Variants in CANX observed in about 807,000 individuals in gnomAD.
CANX encodes the protein epididymis secretory sperm binding protein.
Under a neutral mutation model 75.7 loss-of-function variants are expected in CANX, and 14 were observed. The observed-to-expected ratio is 0.19, with a 90% CI of 0.12 to 0.29. The LOEUF (loss-of-function observed/expected upper bound fraction) is 0.29, where lower values mean the gene tolerates loss of function less well. Among genes scored for constraint, CANX ranks in the 10% least tolerant of loss-of-function variants. The pLI is 1.00. For missense variants in CANX, 567 were observed against 713.2 expected (o/e 0.79, Z 2.34); for synonymous variants, 227 against 236.9 (o/e 0.96, Z 0.38).
intron 8 of CANX, among the ~76,000 whole-genome samples, chr5:179,716,857 G>A (rs1001198673): frequency 6.6e-6 from 1 of 152,182 alleles, no homozygotes; most frequent in African/African-American, 2.4e-5. Context: ...GTTTCTTGGA[G>A]CAAGGCAAAT....
chr5:179,682,780 G>A (rs1328020939), intron 1 of CANX, among the ~76,000 whole-genome samples: 4 of 150,668 alleles, frequency 2.7e-5, no homozygotes, highest in Non-Finnish European at 5.9e-5. Context: ...AATACAGAAA[G>A]TGATTTTGGG....
chr5:179,689,802 G>A (rs1361464663), intron 1 of CANX, among the ~76,000 whole-genome samples: 1 of 152,108 alleles, frequency 6.6e-6, no homozygotes, highest in African/African-American at 2.4e-5. Flanking sequence ...ACTTAAAATG[G>A]ATGTTAACTC....
upstream of CANX, among the ~76,000 whole-genome samples, chr5:179,697,785 G>A (rs1776448779): frequency 6.6e-6 from 1 of 152,146 alleles, no homozygotes; most frequent in African/African-American, 2.4e-5. Flanking sequence ...CAGCTACTCG[G>A]GAGGCTGAGG....
rs1249645386 is a variant in CANX at position 179,678,711 on chromosome 5, C to G, written c.-70C>G. On this transcript the variant is annotated 5_prime_UTR_variant, in exon 1 of 15. Coordinates refer to the CANX transcript ENST00000681674. ...ATCACCTCGGGGTTGCGCTGCTTCT[C>G]CAGCAAGTGCATGCGCGCCATGGTC... The G allele has an allele frequency of 2.0e-6, 3 of 1,536,984 alleles. No individual in the cohort carries two copies. Among genetic ancestry groups the G allele is most frequent in the Non-Finnish European group, 2.6e-6 (3 of 1,146,716 alleles).
chr5:179,724,770 A>G lies in CANX; in HGVS notation c.1632A>G (p.Gly544=). 6.2e-7 allele frequency: 1 copy of G among 1,609,646 alleles called. No individual in the cohort carries two copies. Among genetic ancestry groups the G allele is most frequent in the African/African-American group, 1.3e-5 (1 of 74,816 alleles). Residue 544 remains glycine (G), a synonymous_variant, in exon 13 of 15, where the codon GGA becomes GGG. Transcript: ENST00000247461. ...ACAAGGGAGATGAGGAGGAGGAAGG[A>G]GAAGAGAAACTTGGTAAGAAACAGA... ...EKDKGDEEEE[G]EEKLEEKQKS...
At chr5:179,697,952 C>T (rs1776461783), upstream of CANX, among the ~76,000 whole-genome samples, 1 of 152,000 alleles carries the variant, frequency 6.6e-6, no homozygotes, top group South Asian at 2.1e-4. Context: ...ATGCAAACAC[C>T]AAACCCTGCC....
intron 1 of CANX, chr5:179,704,198 A>G (rs948852029): frequency 1.3e-5 from 2 of 152,164 alleles, no homozygotes; most frequent in African/African-American, 2.4e-5. Context: ...CCCAAGACAC[A>G]TCTAATATAA....
At chr5:179,687,884 A>C (rs1364588038) in intron 1 of CANX, among the ~76,000 whole-genome samples, 2 of 151,476 alleles carry the variant, frequency 1.3e-5, no homozygotes, top group African/African-American at 4.8e-5. Flanking sequence ...AAATACAAAA[A>C]ATTAGCTGGG....
chr5:179,727,901 C>A (rs1040421826), intron 14 of CANX, among the ~76,000 whole-genome samples: 1 of 152,142 alleles, frequency 6.6e-6, no homozygotes, highest in Non-Finnish European at 1.5e-5. Flanking sequence ...TACTAAAGTC[C>A]TTTACCCAGC....
chr5:179,711,943 C>CA, intron 7 of CANX, among the ~76,000 whole-genome samples: 1 of 151,114 alleles, frequency 6.6e-6, no homozygotes, highest in Non-Finnish European at 1.5e-5. Context: ...ACTGAAAATA[C>CA]AAAAATTAGC....
chr5:179,685,940 C>G (rs1156319374), intron 1 of CANX, among the ~76,000 whole-genome samples: 1 of 152,100 alleles, frequency 6.6e-6, no homozygotes, highest in African/African-American at 2.4e-5. Context: ...ATCTGTCTGC[C>G]TCGACCTCCC....
intron 1 of CANX, among the ~76,000 whole-genome samples, chr5:179,686,291 T>G (rs1014294481): frequency 2.0e-5 from 3 of 151,688 alleles, no homozygotes; most frequent in African/African-American, 7.3e-5. Flanking sequence ...AGAGATGAGG[T>G]TTCACCATGT....
At chr5:179,681,351 C>G (rs952550302) in intron 1 of CANX, among the ~76,000 whole-genome samples, 3 of 152,134 alleles carry the variant, frequency 2.0e-5, no homozygotes, top group African/African-American at 7.2e-5. Context: ...GCTAACAGAG[C>G]GTGTCATGGG....
chr5:179,703,887 C>T (rs1254413323), intron 1 of CANX, among the ~76,000 whole-genome samples: 4 of 152,012 alleles, frequency 2.6e-5, no homozygotes, highest in Admixed American at 6.6e-5. Context: ...ACTAGAGGCC[C>T]TGGTAATATA....
intron 7 of CANX, among the ~76,000 whole-genome samples, chr5:179,715,213 A>C (rs956926044): frequency 6.6e-6 from 1 of 152,182 alleles, no homozygotes; most frequent in Non-Finnish European, 1.5e-5. Context: ...GGGCTTTAAT[A>C]TACATCACAC....
chr5:179,723,634 TC>T (rs1778455644), intron 11 of CANX, 25 bp from the exon 12 acceptor site: 1 of 1,603,730 alleles, frequency 6.2e-7, no homozygotes, highest in Admixed American at 1.8e-5. Context: ...GCTGGAACTT[TC>T]AATCAGCCCT....
rs1389039966 is a variant in CANX at position 179,686,499 on chromosome 5, G to A, written c.-4+7722G>A. Among the ~76,000 whole-genome samples the A allele has an allele frequency of 2.6e-5, 4 of 151,598 alleles. No individual in the cohort carries two copies. In the South Asian group the frequency reaches 8.3e-4, roughly 32 times the overall value. On this transcript the variant is annotated intron_variant, in intron 1 of 14. Transcript: ENST00000681674. Reference sequence around the variant, plus strand: ...TTTTCTTGTTGTTATTTTGAGACACGGTCTCACTGTTGCCCAGGCTGGAGT... The same window carrying A: ...TTTTCTTGTTGTTATTTTGAGACACAGTCTCACTGTTGCCCAGGCTGGAGT...
intron 2 of CANX, 55 bp from the exon 3 acceptor site, chr5:179,706,203 A>G: frequency 1.0e-6 from 1 of 986,196 alleles, no homozygotes; most frequent in Non-Finnish European, 1.6e-6. Context: ...ATTCTAGATA[A>G]AAAGGCATGT....
At chr5:179,712,511 T>C (rs1033630924) in intron 7 of CANX, among the ~76,000 whole-genome samples, 2 of 152,066 alleles carry the variant, frequency 1.3e-5, no homozygotes, top group Admixed American at 6.6e-5. Flanking sequence ...CTCTGCCTCT[T>C]GCATTCAAGC....
Sources: gnomAD v4.1 joint callset for allele counts (sites outside exome capture counted in the v4.1 genomes callset) on GRCh38, gnomAD v4.1.1 for gene constraint, MANE v1.5 for transcripts, NCBI Gene and HGNC (gene_info 2026-07-23, HGNC 2026-07-21) for gene names.